Variants in PDGFB observed in about 807,000 individuals in gnomAD.
The protein encoded by PDGFB is platelet derived growth factor subunit B.
Under a neutral mutation model 29.0 loss-of-function variants are expected in PDGFB, and 6 were observed. That is an observed-to-expected ratio of 0.21 (90% CI 0.11 to 0.41). The LOEUF is 0.41. Ranked by LOEUF, PDGFB falls within the 10% of genes least tolerant of loss-of-function variation. The pLI is 1.00. For synonymous variants in PDGFB, 144 were observed against 140.8 expected, an observed-to-expected ratio of 1.02 and a Z score of -0.16; for missense variants, 299 against 341.8, an observed-to-expected ratio of 0.87 and a Z score of 0.99.
intron 4 of PDGFB, among the ~76,000 whole-genome samples, chr22:39,230,999 C>T (rs1022913957): frequency 6.6e-6 from 1 of 152,212 alleles, no homozygotes; most frequent in Non-Finnish European, 1.5e-5. Context: ...AGAATTTTCC[C>T]TGAGTCCAGT....
chr22:39,227,410 A>T (rs917972793), intron 5 of PDGFB, among the ~76,000 whole-genome samples: 19 of 152,132 alleles, frequency 1.2e-4, no homozygotes, highest in African/African-American at 4.6e-4. Context: ...CACATCTTTA[A>T]AGCAGAGAAG....
intron 5 of PDGFB, among the ~76,000 whole-genome samples, chr22:39,228,458 A>C (rs1267372128): frequency 1.3e-5 from 2 of 151,872 alleles, no homozygotes; most frequent in East Asian, 3.9e-4. Context: ...ACGTGGTGGC[A>C]CATGCCTGTA....
chr22:39,240,941 A>T (rs71319026), intron 1 of PDGFB: 627 of 405,706 alleles, frequency 1.5e-3, no homozygotes, highest in South Asian at 1.9e-3. Flanking sequence ...ACACACACAC[A>T]CTCTCTCTCT....
At position 39,226,234 on chromosome 22, in the gene PDGFB, C is replaced by G. The variant is rs1230088248; in HGVS notation, c.602-387G>C. ...ACCAATAGAGTTTATTTCCCTGCCC[C>G]TTGAATCTGGCCTGGAGTTGGATCT... On this transcript the variant is annotated intron_variant, in intron 5 of 6. Transcript: ENST00000331163. Among the ~76,000 whole-genome samples, 4 of 152,222 alleles carry G rather than the reference C, an allele frequency of 2.6e-5. No individual in the cohort carries two copies. The East Asian group carries it at 7.7e-4, about 29-fold the overall frequency.
intron 5 of PDGFB, 116 bp downstream of exon 5, chr22:39,229,968 C>G (rs1376835378): frequency 8.3e-7 from 1 of 1,208,670 alleles, no homozygotes; most frequent in Admixed American, 2.2e-5. Flanking sequence ...AAAAGAAAGC[C>G]TCCCGTGAAT....
In PDGFB at chr22:39,244,932, G is replaced by T. The variant is rs1416857533; in HGVS notation, c.-969C>A. Among the ~76,000 whole-genome samples the T allele has an allele frequency of 6.6e-6, 1 of 152,056 alleles. No individual in the cohort carries two copies. Among genetic ancestry groups the T allele is most frequent in the Non-Finnish European group, 1.5e-5 (1 of 67,964 alleles). ...AGGGAGGCAGCGGGGGAGGCTGCGG[G>T]TGCGCAGGGAGGCAGGCAGGCCGCT... On this transcript the variant is annotated 5_prime_UTR_variant, in exon 1 of 7. Coordinates refer to ENST00000331163, the MANE Select transcript of PDGFB (RefSeq NM_002608.4). This position sits in a 1 kb window ranked among gnomAD's most constrained non-coding sequence, Gnocchi z 4.5.
At position 39,235,879 on chromosome 22, in the gene PDGFB, C is replaced by G; in HGVS notation, c.64-5G>C. ...CTCCTCGGGAATGGGGTCCCCCTGC[C>G]GGGCAGACACCAAAAGGCTGAGTGA... On this transcript the variant is annotated splice_polypyrimidine_tract_variant and splice_region_variant and intron_variant, in intron 1 of 6. Coordinates refer to ENST00000331163, the MANE Select transcript of PDGFB (RefSeq NM_002608.4). 1.2e-6 allele frequency: 2 copies of G among 1,605,798 alleles called. No homozygotes were observed. The highest frequency in any genetic ancestry group is 8.5e-7 in the Non-Finnish European group (1 of 1,172,976).
At chr22:39,233,374 G>A (rs371938623) in intron 3 of PDGFB, 61 bp downstream of exon 3, 33 of 1,323,638 alleles carry the variant, frequency 2.5e-5, no homozygotes, top group Middle Eastern at 1.8e-4. Context: ...GCCCGCCCCC[G>A]TTCTCTTTCC....
Position 39,231,834 on chromosome 22 carries a change from G to C in PDGFB, c.251-7C>G, listed in dbSNP as rs371010180. Reference sequence around the variant, plus strand: ...TCAGCAATGGTCAGGGAACCTGGGAGGAGACGAAACCTGGGTCAGGAGCGT... The same window carrying C: ...TCAGCAATGGTCAGGGAACCTGGGACGAGACGAAACCTGGGTCAGGAGCGT... On this transcript the variant is annotated splice_polypyrimidine_tract_variant and splice_region_variant and intron_variant, in intron 3 of 6. Transcript: ENST00000331163. This position sits in a 1 kb window ranked among gnomAD's most constrained non-coding sequence, Gnocchi z 4.3. The C allele has an allele frequency of 5.5e-5, 89 of 1,611,320 alleles. No homozygotes were observed. The African/African-American group carries it at 1.1e-3, about 20-fold the overall frequency.
chr22:39,235,352 C>T (rs1420995923), intron 2 of PDGFB, among the ~76,000 whole-genome samples: 7 of 152,180 alleles, frequency 4.6e-5, no homozygotes, highest in African/African-American at 1.4e-4. Flanking sequence ...CTCTGGGGCA[C>T]GGGCAGGGCT....
At chr22:39,226,995 G>T (rs1330396215) in intron 5 of PDGFB, among the ~76,000 whole-genome samples, 2 of 152,248 alleles carry the variant, frequency 1.3e-5, no homozygotes, top group Non-Finnish European at 2.9e-5. Flanking sequence ...GGCTCACTCT[G>T]TTGCCCAGGT....
At chr22:39,238,484 G>A (rs1932496833) in intron 1 of PDGFB, among the ~76,000 whole-genome samples, 1 of 152,096 alleles carries the variant, frequency 6.6e-6, no homozygotes, top group Non-Finnish European at 1.5e-5. Flanking sequence ...ATGAATGCCA[G>A]CTACAAGCCA....
Position 39,235,669 on chromosome 22 carries a change from C to T in PDGFB, c.160+109G>A, listed in dbSNP as rs961046044. 100 of 771,402 alleles carry T rather than the reference C, an allele frequency of 1.3e-4. No individual in the cohort carries two copies. The Middle Eastern group carries it at 1.8e-3, about 14-fold the overall frequency. The allele number at this position is 771,402 out of a possible 1,614,324, so 47.8% of individuals were successfully genotyped here. ...CACGCTCTCTCTGGGCTGCCATGGG[C>T]CTCTAGTTCTCCAGACGTCAAGAAG... On this transcript the variant is annotated intron_variant, in intron 2 of 6. Coordinates refer to ENST00000331163, the MANE Select transcript of PDGFB (RefSeq NM_002608.4).
chr22:39,241,193 G>A, intron 1 of PDGFB: 2 of 491,166 alleles, frequency 4.1e-6, no homozygotes, highest in Admixed American at 3.4e-5. Flanking sequence ...CTCAGCTGGT[G>A]GAGATGGCAC....
rs1367185770 is a variant in PDGFB at position 39,243,371 on chromosome 22, C to T, written c.63+530G>A. 1.3e-5 allele frequency among the ~76,000 whole-genome samples: 2 copies of T among 152,040 alleles called. No individual in the cohort carries two copies. Among genetic ancestry groups the T allele is most frequent in the East Asian group, 3.9e-4 (2 of 5,174 alleles). The stretch of plus-strand genomic sequence containing the variant: ...GACCGTGCTCTGGGGCCGGGCATGC[C>T]CTGCGCGTGCCGGAGGGCGTCCACC... On this transcript the variant is annotated intron_variant, in intron 1 of 6. Transcript: ENST00000331163. The surrounding 1 kb of genome is among the most constrained non-coding windows in gnomAD (Gnocchi z 6.4).
chr22:39,230,693 G>T (rs1932280199), intron 4 of PDGFB, among the ~76,000 whole-genome samples: 1 of 152,258 alleles, frequency 6.6e-6, no homozygotes, highest in Admixed American at 6.5e-5. Context: ...TACCACGAGA[G>T]TGGGCAGTGG....
Position 39,243,107 on chromosome 22 carries a change from C to T in PDGFB, c.63+794G>A, listed in dbSNP as rs1272986451. 8.6e-6 allele frequency: 2 copies of T among 233,040 alleles called. No homozygotes were observed. Among genetic ancestry groups the T allele is most frequent in the East Asian group, 1.2e-4 (2 of 16,574 alleles). The allele number at this position is 233,040 out of a possible 1,614,324, so 14.4% of individuals were successfully genotyped here. On this transcript the variant is annotated intron_variant, in intron 1 of 6. Coordinates refer to ENST00000331163, the MANE Select transcript of PDGFB (RefSeq NM_002608.4). This position sits in a 1 kb window ranked among gnomAD's most constrained non-coding sequence, Gnocchi z 6.4. ...GAGAGGTGCTTCCTCCTGCAGGGCG[C>T]GGGCACAGGTACGGCAAGGCCTCAG...
At position 39,231,734 on chromosome 22, in the gene PDGFB, T is replaced by C. The variant is rs1468435302; in HGVS notation, c.344A>G (p.Asn115Ser). The change falls in exon 4 of 7, where the codon AAC (asparagine) becomes AGC (serine). Residue 115 changes from asparagine to serine, a missense_variant. Coordinates refer to ENST00000331163, the MANE Select transcript of PDGFB (RefSeq NM_002608.4). The surrounding 1 kb of genome is among the most constrained non-coding windows in gnomAD (Gnocchi z 4.3). Reference sequence around the variant, plus strand: ...GGGCGGCCACACCAGGAAGTTGGCGTTGGTGCGGTCTATGAGGCGCCGGGA... The same window carrying C: ...GGGCGGCCACACCAGGAAGTTGGCGCTGGTGCGGTCTATGAGGCGCCGGGA... Reference protein sequence around the residue: ...EISRRLIDRTNANFLVWPPCV... With the variant: ...EISRRLIDRTSANFLVWPPCV... 6.2e-7 allele frequency: 1 copy of C among 1,612,624 alleles called. No individual in the cohort carries two copies. The highest frequency in any genetic ancestry group is 1.3e-5 in the African/African-American group (1 of 75,026).
intron 5 of PDGFB, among the ~76,000 whole-genome samples, chr22:39,227,485 A>G (rs374508774): frequency 5.9e-5 from 9 of 152,340 alleles, no homozygotes; most frequent in African/African-American, 2.2e-4. Flanking sequence ...CCCCCCAGCT[A>G]GTGTTTACCA....
Sources: gnomAD v4.1 joint callset for allele counts (sites outside exome capture counted in the v4.1 genomes callset) on GRCh38, gnomAD v4.1.1 for gene constraint, Gnocchi (gnomAD v3.1) non-coding constraint, MANE v1.5 for transcripts, NCBI Gene and HGNC (gene_info 2026-07-23, HGNC 2026-07-21) for gene names.